The following CGN variants were observed in gnomAD, a reference collection of about 807,000 sequenced individuals.
CGN encodes cingulin.
A neutral mutation model predicts 157.1 loss-of-function variants in CGN; 121 were observed. The ratio of observed to expected loss-of-function variants is 0.77; its 90% CI spans 0.66 to 0.90. The LOEUF is 0.90. Among genes scored for constraint, CGN ranks in the 40% least tolerant of loss-of-function variants. CGN has a pLI of 0.00. For synonymous variants in CGN, 535 were observed against 607.5 expected (o/e 0.88, Z 1.76); for missense variants, 1,424 against 1,520.9 (o/e 0.94, Z 1.06).
At position 151,521,099 on chromosome 1, in the gene CGN, T is replaced by G. The variant is rs182268692; in HGVS notation, c.1140+408T>G. ...TCCTGGGTACTGTAATCATTATAGT[T>G]ACCCTGTGAATACCTATTCTGGACC... On this transcript the variant is annotated intron_variant, in intron 5 of 20. Transcript: ENST00000271636. Among the ~76,000 whole-genome samples, 3 of 152,336 alleles carry G rather than the reference T, an allele frequency of 2.0e-5. No individual in the cohort carries two copies. In the East Asian group the frequency reaches 5.8e-4, roughly 29 times the overall value.
Position 151,520,698 on chromosome 1 carries a change from A to C in CGN, c.1140+7A>C. Reference sequence around the variant, plus strand: ...GCTGGATGAAGAGGTGAAGGTAAGGAAAGGTTAGAGGTGCCGGAGGCATGA... The same window carrying C: ...GCTGGATGAAGAGGTGAAGGTAAGGCAAGGTTAGAGGTGCCGGAGGCATGA... On this transcript the variant is annotated splice_region_variant and intron_variant, in intron 5 of 20. Coordinates refer to ENST00000271636, the MANE Select transcript of CGN (RefSeq NM_020770.3). The C allele has an allele frequency of 6.2e-7, 1 of 1,611,504 alleles. No homozygotes were observed.
In CGN at chr1:151,530,758, G is replaced by T. The variant is rs979038825; in HGVS notation, c.2571+12G>T. On this transcript the variant is annotated intron_variant, in intron 13 of 20. Coordinates refer to ENST00000271636, the MANE Select transcript of CGN (RefSeq NM_020770.3). ...GACTGAACAAGGAGGTGGGGCATGG[G>T]GTATTCTGGGCCTTTAGGAAGAGGC... 20 of 1,551,328 alleles carry T rather than the reference G, an allele frequency of 1.3e-5. No individual in the cohort carries two copies. Among genetic ancestry groups the T allele is most frequent in the Non-Finnish European group, 1.7e-5 (20 of 1,146,910 alleles).
Position 151,511,583 on chromosome 1 carries a change from G to C in CGN, c.-15+68G>C, listed in dbSNP as rs1664296057. The C allele has an allele frequency of 6.5e-6, 1 of 153,716 alleles. No homozygotes were observed. Among genetic ancestry groups the C allele is most frequent in the African/African-American group, 2.4e-5 (1 of 41,406 alleles). The allele number at this position is 153,716 out of a possible 1,614,324, so 9.5% of individuals were successfully genotyped here. On this transcript the variant is annotated intron_variant, in intron 1 of 20. Coordinates refer to ENST00000271636, the MANE Select transcript of CGN (RefSeq NM_020770.3). The surrounding 1 kb of genome is among the most constrained non-coding windows in gnomAD (Gnocchi z 4.8). ...GAGCCTTCAGGGGTACCTTTGAGGG[G>C]CAGGCATCGAGGCGGTGTGAGATGC...
At position 151,519,213 on chromosome 1, in the gene CGN, A is replaced by G. The variant is rs764888555; in HGVS notation, c.694A>G (p.Thr232Ala). ...CTTTGAGGAACGGGAGCGCCAGTCC[A>G]CCAACCACTGGACCTCTAGCACAAA... is the stretch of plus-strand genomic sequence containing the variant. ...DTFEERERQS[T>A]NHWTSSTKYD... The change falls in exon 2 of 21, where the codon ACC (threonine) becomes GCC (alanine). Residue 232 changes from threonine to alanine, a missense_variant. This residue lies in a region of CGN where 1,187 missense variants were observed against 1,217.6 expected (regional missense o/e 0.97). Transcript: ENST00000271636. The G allele has an allele frequency of 6.2e-7, 1 of 1,614,124 alleles. No homozygotes were observed. Among genetic ancestry groups the G allele is most frequent in the Non-Finnish European group, 8.5e-7 (1 of 1,180,038 alleles).
chr1:151,535,347 C>T (rs966217605), intron 16 of CGN, among the ~76,000 whole-genome samples: 2 of 152,134 alleles, frequency 1.3e-5, no homozygotes, highest in Non-Finnish European at 2.9e-5. Context: ...ATCCTGGTGG[C>T]CTGGGCTGTT....
intron 1 of CGN, among the ~76,000 whole-genome samples, chr1:151,516,388 C>T (rs1664413694): frequency 6.6e-6 from 1 of 152,066 alleles, no homozygotes; most frequent in African/African-American, 2.4e-5. Flanking sequence ...AATCTCTCCC[C>T]CAAGTTCCTG....
intron 18 of CGN, 45 bp downstream of exon 18, chr1:151,535,943 C>A (rs753998351): frequency 6.8e-7 from 1 of 1,463,470 alleles, no homozygotes; most frequent in Non-Finnish European, 9.5e-7. Flanking sequence ...CCTTTTCTTC[C>A]TCCCTCCCTC....
chr1:151,515,711 G>A (rs958850721), intron 1 of CGN: 1 of 152,194 alleles, frequency 6.6e-6, no homozygotes, highest in Admixed American at 6.5e-5. Context: ...CCGAGTTCAA[G>A]TGATCCACAC....
intron 10 of CGN, among the ~76,000 whole-genome samples, chr1:151,528,727 A>G (rs1199615978): frequency 6.6e-6 from 1 of 151,998 alleles, no homozygotes; most frequent in Non-Finnish European, 1.5e-5. Context: ...TTTTTATTAT[A>G]TTAACAAAGT....
chr1:151,523,339 A>G (rs1320150797), intron 5 of CGN, 95 bp from the exon 6 acceptor site: 1 of 1,175,200 alleles, frequency 8.5e-7, no homozygotes, highest in Admixed American at 2.4e-5. Flanking sequence ...TCATACAGCA[A>G]GTGTCCAATG....
At chr1:151,527,956 T>TTTC (rs1664730127) in intron 10 of CGN, 1 of 145,930 alleles carries the variant, frequency 6.9e-6, no homozygotes, top group East Asian at 2.5e-4. Context: ...ATATATTTTT[T>TTTC]TTTTTTTTTT....
chr1:151,537,148 G>T, intron 20 of CGN, 57 bp from the exon 21 acceptor site: 1 of 1,551,746 alleles, frequency 6.4e-7, no homozygotes. Context: ...AAAAAGGGTG[G>T]CTGTCTTAAT....
chr1:151,530,043 G>A lies in CGN; in HGVS notation c.2241G>A (p.Lys747=). 6.2e-7 allele frequency: 1 copy of A among 1,614,198 alleles called. No individual in the cohort carries two copies. Among genetic ancestry groups the A allele is most frequent in the Non-Finnish European group, 8.5e-7 (1 of 1,180,034 alleles). ...TCCTGGGTTTGGAGCAGCAGCTGAAGGAGACTCGAGGTCTGGTGGATGGTG... is the reference window on the plus strand; with the variant it reads ...TCCTGGGTTTGGAGCAGCAGCTGAAAGAGACTCGAGGTCTGGTGGATGGTG... ...RRILGLEQQL[K]ETRGLVDGGE... is the part of the protein sequence containing the mutation. The change falls in exon 12 of 21, where the codon AAG becomes AAA. Residue 747 remains lysine (K), a synonymous_variant. Coordinates refer to ENST00000271636, the MANE Select transcript of CGN (RefSeq NM_020770.3).
At chr1:151,530,236 T>C in intron 12 of CGN, 121 bp downstream of exon 12, 1 of 1,130,790 alleles carries the variant, frequency 8.8e-7, no homozygotes, top group Non-Finnish European at 1.3e-6. Context: ...TCCCCAAACC[T>C]GCTCTGTTAA....
intron 9 of CGN, 93 bp downstream of exon 9, chr1:151,525,883 A>AT: frequency 1.1e-6 from 1 of 937,516 alleles, no homozygotes. Context: ...ATTTTAATTT[A>AT]TTTTTTGGGA....
At chr1:151,534,980 G>A (rs903944166) in intron 15 of CGN, 62 bp from the exon 16 acceptor site, 10 of 1,184,930 alleles carry the variant, frequency 8.4e-6, no homozygotes, top group African/African-American at 6.0e-5. Flanking sequence ...GAGGCTCCTG[G>A]TCTGAGTTTG....
chr1:151,529,886 G>A, intron 11 of CGN, 23 bp from the exon 12 acceptor site: 1 of 1,603,504 alleles, frequency 6.2e-7, no homozygotes, highest in East Asian at 2.2e-5. Context: ...GGTCTGAGCT[G>A]CCACCCCCTG....
intron 1 of CGN, 82 bp from the exon 2 acceptor site, chr1:151,518,423 TG>T (rs1664457348): frequency 8.3e-7 from 1 of 1,202,482 alleles, no homozygotes; most frequent in South Asian, 1.5e-5. Flanking sequence ...TAGTAGGAAC[TG>T]ACAGGGAAGT....
rs141777796 is a variant in CGN, at chr1:151,537,583, C to T, written c.*237C>T. On this transcript the variant is annotated 3_prime_UTR_variant, in exon 21 of 21. Transcript: ENST00000271636. ...CCAACTGAGCCTTTTCCTCAAGTGCCGACACCTCCCTCATCTCTCTTATAG... is the reference window on the plus strand; with the variant it reads ...CCAACTGAGCCTTTTCCTCAAGTGCTGACACCTCCCTCATCTCTCTTATAG... 27 of 448,778 alleles carry T rather than the reference C, an allele frequency of 6.0e-5. No individual in the cohort carries two copies. Among genetic ancestry groups the T allele is most frequent in the African/African-American group, 3.1e-4 (16 of 51,242 alleles). The allele number at this position is 448,778 out of a possible 1,614,324, so 27.8% of individuals were successfully genotyped here. A position where few individuals can be genotyped will look rare whatever the true frequency, so the allele number is the denominator to read the frequency against.
Sources: gnomAD v4.1 joint callset for allele counts (sites outside exome capture counted in the v4.1 genomes callset) on GRCh38, gnomAD v4.1.1 for gene constraint, gnomAD v4.1.1 regional missense constraint, Gnocchi (gnomAD v3.1) non-coding constraint, MANE v1.5 for transcripts, NCBI Gene and HGNC (gene_info 2026-07-23, HGNC 2026-07-21) for gene names.